FAM81A: variants seen among roughly 807,000 people sequenced by gnomAD.
FAM81A encodes family with sequence similarity 81 member A.
Under a neutral mutation model 46.7 loss-of-function variants are expected in FAM81A, and 19 were observed. The ratio of observed to expected loss-of-function variants is 0.41; its 90% CI spans 0.28 to 0.60. The LOEUF is 0.60. FAM81A is among the 20% of genes least tolerant of loss of function. FAM81A has a pLI of 0.34. For missense variants in FAM81A, 377 were observed against 453.5 expected, an observed-to-expected ratio of 0.83 and a Z score of 1.53; for synonymous variants, 183 against 152.9, an observed-to-expected ratio of 1.20 and a Z score of -1.45.
intron 2 of FAM81A, among the ~76,000 whole-genome samples, chr15:59,410,082 C>T (rs999893694): frequency 2.0e-5 from 3 of 152,026 alleles, no homozygotes; most frequent in Admixed American, 6.6e-5. Context: ...CGGCGGATTA[C>T]GAGGTCAGGA....
chr15:59,402,541 T>C (rs1567034607), intron 2 of FAM81A, among the ~76,000 whole-genome samples: 1 of 152,190 alleles, frequency 6.6e-6, no homozygotes, highest in Non-Finnish European at 1.5e-5. Context: ...TATTATTATT[T>C]AATTTTATTT....
intron 1 of FAM81A, among the ~76,000 whole-genome samples, chr15:59,442,329 C>T (rs1169593379): frequency 1.3e-5 from 2 of 152,090 alleles, no homozygotes; most frequent in Non-Finnish European, 2.9e-5. Flanking sequence ...GTTGCAATAA[C>T]TGGCCAGGTA....
chr15:59,469,758 A>T (rs994219035), intron 3 of FAM81A, among the ~76,000 whole-genome samples: 1 of 152,152 alleles, frequency 6.6e-6, no homozygotes, highest in South Asian at 2.1e-4. Context: ...TCCTGTCACT[A>T]TGATGTTCAC....
intron 4 of FAM81A, among the ~76,000 whole-genome samples, chr15:59,494,987 G>T (rs1439334495): frequency 5.3e-5 from 8 of 152,150 alleles, no homozygotes; most frequent in African/African-American, 1.9e-4. Flanking sequence ...CAGACCTGAA[G>T]GCCCGATACA....
intron 5 of FAM81A, among the ~76,000 whole-genome samples, chr15:59,507,925 A>T (rs1309298717): frequency 1.3e-5 from 2 of 152,204 alleles, no homozygotes; most frequent in Admixed American, 1.3e-4. Flanking sequence ...GTCTTCTAGG[A>T]CTTTTTCTAC....
rs542626515 is a variant in FAM81A, at chr15:59,521,461, A to G, written c.*83A>G. The G allele has an allele frequency of 2.1e-5, 31 of 1,476,362 alleles. No individual in the cohort carries two copies. In the South Asian group the frequency reaches 2.9e-4, roughly 14 times the overall value. The allele number at this position is 1,476,362 out of a possible 1,614,324, so 91.5% of individuals were successfully genotyped here. ...ACCTCTGTAGCCAGGCCATCGCTGC[A>G]TTCAGGATTGTTCCATCCATGGCGT... On this transcript the variant is annotated 3_prime_UTR_variant, in exon 9 of 9. Transcript: ENST00000288228.
intron 1 of FAM81A, among the ~76,000 whole-genome samples, chr15:59,438,824 T>C (rs2081265338): frequency 1.3e-5 from 2 of 152,138 alleles, no homozygotes; most frequent in Admixed American, 6.5e-5. Context: ...TTTCCATTAA[T>C]TGGCTCCTAA....
At chr15:59,426,434 C>G (rs143864059) in intron 2 of FAM81A, among the ~76,000 whole-genome samples, 1 of 152,094 alleles carries the variant, frequency 6.6e-6, no homozygotes, top group African/African-American at 2.4e-5. Context: ...GAAGAAACCC[C>G]GTCTCTACTT....
chr15:59,428,626 T>A lies in FAM81A; in HGVS notation c.-78+26268T>A, dbSNP rs2081205686. On this transcript the variant is annotated intron_variant, in intron 2 of 4. Transcript: ENST00000558348. ...ACCTAGATCCATGTCTACTCCTTTTTTTTTTTTTTTTTTTTTTTTTTTGAG... is the reference window on the plus strand; with the variant it reads ...ACCTAGATCCATGTCTACTCCTTTTATTTTTTTTTTTTTTTTTTTTTTGAG... 3.8e-5 allele frequency among the ~76,000 whole-genome samples: 5 copies of A among 132,808 alleles called. No individual in the cohort carries two copies. In the South Asian group the frequency reaches 1.3e-3, roughly 36 times the overall value. The allele number at this position is 132,808 out of a possible 152,430, so 87.1% of individuals were successfully genotyped here. A position where few individuals can be genotyped will look rare whatever the true frequency, so the allele number is the denominator to read the frequency against.
At position 59,523,355 on chromosome 15, in the gene FAM81A, A is replaced by G. The variant is rs2082346040; in HGVS notation, c.*1977A>G. The G allele has an allele frequency of 6.6e-6, 1 of 152,284 alleles. No individual in the cohort carries two copies. The highest frequency in any genetic ancestry group is 6.5e-5 in the Admixed American group (1 of 15,290). The allele number at this position is 152,284 out of a possible 1,614,324, so 9.4% of individuals were successfully genotyped here. On this transcript the variant is annotated 3_prime_UTR_variant, in exon 9 of 9. Coordinates refer to ENST00000288228, the MANE Select transcript of FAM81A (RefSeq NM_152450.3). Reference sequence around the variant, plus strand: ...CCCCGCTGTGCCTCCCAGACCGATTAAGTCAGAACCTCTGGGAGGTGGGTC... The same window carrying G: ...CCCCGCTGTGCCTCCCAGACCGATTGAGTCAGAACCTCTGGGAGGTGGGTC...
At chr15:59,458,679 G>A (rs780055901) in intron 2 of FAM81A, 33 bp downstream of exon 2, 2 of 1,578,582 alleles carry the variant, frequency 1.3e-6, no homozygotes, top group Non-Finnish European at 1.7e-6. Flanking sequence ...TCCCATGGGG[G>A]CTGCTAGTGG....
chr15:59,434,878 A>G (rs1001606980), upstream of FAM81A, among the ~76,000 whole-genome samples: 1 of 152,156 alleles, frequency 6.6e-6, no homozygotes, highest in East Asian at 1.9e-4. Context: ...CTTGACCTCT[A>G]CCTACCTAGA....
At chr15:59,509,364 G>C (rs543524859) in intron 6 of FAM81A, among the ~76,000 whole-genome samples, 24 of 152,306 alleles carry the variant, frequency 1.6e-4, no homozygotes, top group Non-Finnish European at 3.1e-4. Flanking sequence ...TCGGTTCATG[G>C]TTGTGTAGGC....
intron 1 of FAM81A, among the ~76,000 whole-genome samples, chr15:59,451,385 A>G (rs1435818769): frequency 6.6e-6 from 1 of 152,098 alleles, no homozygotes; most frequent in African/African-American, 2.4e-5. Context: ...TGGGAGCCTA[A>G]TGCATCCCCC....
intron 2 of FAM81A, among the ~76,000 whole-genome samples, chr15:59,432,814 T>C (rs1209470245): frequency 6.6e-6 from 1 of 151,886 alleles, no homozygotes; most frequent in Non-Finnish European, 1.5e-5. Flanking sequence ...AACTCAATGA[T>C]CAAGATAAAT....
intron 2 of FAM81A, among the ~76,000 whole-genome samples, chr15:59,427,664 T>A (rs1002719908): frequency 6.6e-6 from 1 of 152,354 alleles, no homozygotes; most frequent in South Asian, 2.1e-4. Flanking sequence ...AAAGTTTGTC[T>A]TTCTGTGCCT....
At chr15:59,490,352 G>A (rs1010713261) in intron 3 of FAM81A, among the ~76,000 whole-genome samples, 1 of 151,756 alleles carries the variant, frequency 6.6e-6, no homozygotes, top group African/African-American at 2.4e-5. Context: ...ATCTGACAAG[G>A]GATTGATCAC....
chr15:59,399,718 G>C (rs951779004), intron 1 of FAM81A, among the ~76,000 whole-genome samples: 7 of 152,140 alleles, frequency 4.6e-5, no homozygotes, highest in African/African-American at 1.7e-4. Context: ...CTCCCTATGC[G>C]AGGCGCTGGC....
chr15:59,478,155 C>G (rs1458367318), intron 3 of FAM81A, among the ~76,000 whole-genome samples: 6 of 152,098 alleles, frequency 3.9e-5, no homozygotes, highest in East Asian at 1.9e-4. Context: ...CTTTTTATGG[C>G]TTTAGCTGTG....
Sources: gnomAD v4.1 joint callset for allele counts (sites outside exome capture counted in the v4.1 genomes callset) on GRCh38, gnomAD v4.1.1 for gene constraint, MANE v1.5 for transcripts, NCBI Gene and HGNC (gene_info 2026-07-23, HGNC 2026-07-21) for gene names.